Variants in AGL observed in about 807,000 individuals in gnomAD.
The protein encoded by AGL is amylo-alpha-1,6-glucosidase and 4-alpha-glucanotransferase.
AGL carries 128 observed loss-of-function variants against 199.3 expected under a neutral mutation model. The ratio of observed to expected loss-of-function variants is 0.64; its 90% CI spans 0.56 to 0.74. AGL has a LOEUF of 0.74. Among genes scored for constraint, AGL ranks in the 30% least tolerant of loss-of-function variants. The probability of loss-of-function intolerance (pLI) is 0.00; values close to 1 mark genes in which losing one functional copy is unlikely to be tolerated. For missense variants in AGL, 1,809 were observed against 1,820.8 expected (o/e 0.99, Z 0.12); for synonymous variants, 584 against 594.7 (o/e 0.98, Z 0.26).
rs1648909681 is a variant in AGL at position 99,851,065 on chromosome 1, GAA to G, written c.24_25del (p.Ile9PhefsTer17). On this transcript the variant is annotated frameshift_variant, in exon 2 of 34. Transcript: ENST00000361915. LOFTEE classifies it high-confidence loss of function. ...AAAATGGGACACAGTAAACAGATTCGAATTTTACTTCTGAACGAAATGGAGAA... is the reference window on the plus strand; with the variant it reads ...AAAATGGGACACAGTAAACAGATTCGTTTTACTTCTGAACGAAATGGAGAA... The G allele has an allele frequency of 1.2e-6, 2 of 1,614,022 alleles. No homozygotes were observed. The highest frequency in any genetic ancestry group is 1.7e-6 in the Non-Finnish European group (2 of 1,179,940).
At chr1:99,891,176 T>A (rs775650659) in intron 21 of AGL, 44 bp from the exon 22 acceptor site, 1 of 1,612,342 alleles carries the variant, frequency 6.2e-7, no homozygotes. Flanking sequence ...AGGAACAAAT[T>A]GATGCTACCA....
Position 99,903,245 on chromosome 1 carries a change from T to C in AGL, c.3700+451T>C, listed in dbSNP as rs189639298. 9.2e-5 allele frequency among the ~76,000 whole-genome samples: 14 copies of C among 152,270 alleles called. No individual in the cohort carries two copies. The East Asian group carries it at 2.7e-3, about 29-fold the overall frequency. On this transcript the variant is annotated intron_variant, in intron 27 of 33. Coordinates refer to ENST00000361915, the MANE Select transcript of AGL (RefSeq NM_000642.3). The stretch of plus-strand genomic sequence containing the variant: ...TTGGTGTGCTGCACCCATTAACTCA[T>C]CATTTACATAGGTATATCTCCTAAT...
At chr1:99,894,020 C>CAA (rs59279627) in intron 24 of AGL, among the ~76,000 whole-genome samples, 1 of 144,828 alleles carries the variant, frequency 6.9e-6, no homozygotes. Context: ...CCATCTTTAC[C>CAA]AAAAAAAAAA....
chr1:99,898,979 G>T (rs145776069), intron 25 of AGL, among the ~76,000 whole-genome samples: 162 of 152,150 alleles, frequency 1.1e-3, no homozygotes, highest in African/African-American at 3.7e-3. Flanking sequence ...AGGCATGGTG[G>T]CTCACAACTG....
At chr1:99,908,210 AT>A (rs34057901) in intron 27 of AGL, among the ~76,000 whole-genome samples, 71,678 of 147,090 alleles carry the variant, frequency 0.49, 17,314 homozygotes, top group East Asian at 0.57. Flanking sequence ...GTCCAAGTCC[AT>A]TTTTTTTTTT....
At chr1:99,850,861 T>A in intron 1 of AGL, 114 bp from the exon 2 acceptor site, 1 of 659,968 alleles carries the variant, frequency 1.5e-6, no homozygotes, top group South Asian at 1.8e-5. Flanking sequence ...TTCATTCTCT[T>A]TCATTGCTCT....
intron 33 of AGL, among the ~76,000 whole-genome samples, chr1:99,918,102 T>G (rs1053119342): frequency 6.6e-6 from 1 of 152,212 alleles, no homozygotes; most frequent in African/African-American, 2.4e-5. Flanking sequence ...TTCTTTCAAT[T>G]CTTATAAGTG....
Position 99,884,169 on chromosome 1 carries a change from G to A in AGL, c.2358G>A (p.Thr786=), listed in dbSNP as rs764022108. The A allele has an allele frequency of 9.9e-6, 16 of 1,612,694 alleles. No individual in the cohort carries two copies. The highest frequency in any genetic ancestry group is 1.6e-4 in the Middle Eastern group (1 of 6,068). The stretch of plus-strand genomic sequence containing the variant: ...AAGCTAGAACTATTGAGAGAAACAC[G>A]AAACCTTATAGGAAGGATGAGAATT... The part of the protein sequence containing the change: ...VLEARTIERN[T]KPYRKDENSI... The change falls in exon 18 of 34, where the codon ACG becomes ACA. Residue 786 remains threonine, a synonymous_variant. Coordinates refer to ENST00000361915, the MANE Select transcript of AGL (RefSeq NM_000642.3).
intron 29 of AGL, among the ~76,000 whole-genome samples, chr1:99,912,983 G>A (rs1458236462): frequency 6.6e-6 from 1 of 152,082 alleles, no homozygotes; most frequent in African/African-American, 2.4e-5. Flanking sequence ...CACACTTTGG[G>A]GGGCCAAGGC....
Position 99,864,392 on chromosome 1 carries a change from A to G in AGL, c.467A>G (p.Asn156Ser), listed in dbSNP as rs369767463. ...TCCTTTATTTGCTTTGCAGGCTACA[A>G]CATGATTCATTTTACCCCATTGCAG... ...RLRVAKESGY[N>S]MIHFTPLQTL... Residue 156 changes from asparagine (N) to serine (S), a missense_variant, in exon 5 of 34, where the codon AAC becomes AGC. By Grantham distance (46) the Asn-to-Ser change is conservative. Transcript: ENST00000361915. 1.2e-5 allele frequency: 19 copies of G among 1,613,408 alleles called. No homozygotes were observed. The highest frequency in any genetic ancestry group is 1.7e-4 in the Middle Eastern group (1 of 6,060).
At chr1:99,879,851 T>C in intron 12 of AGL, 72 bp from the exon 13 acceptor site, 2 of 1,308,740 alleles carry the variant, frequency 1.5e-6, no homozygotes, top group South Asian at 2.4e-5. Context: ...TTTTGTCTCT[T>C]TCCTTCCTCC....
intron 2 of AGL, chr1:99,861,092 T>C: frequency 1.3e-6 from 1 of 746,874 alleles, no homozygotes; most frequent in Non-Finnish European, 1.7e-6. Flanking sequence ...TCTGACACCA[T>C]AGAGAAACTA....
At chr1:99,862,466 T>C in intron 4 of AGL, 43 bp downstream of exon 4, 3 of 1,597,560 alleles carry the variant, frequency 1.9e-6, no homozygotes, top group Non-Finnish European at 2.6e-6. Flanking sequence ...AAAAAATAAA[T>C]GTAATTATCC....
chr1:99,921,694 T>A lies in AGL; in HGVS notation c.*43T>A. 1 of 1,400,202 alleles carries A rather than the reference T, an allele frequency of 7.1e-7. No homozygotes were observed. Among genetic ancestry groups the A allele is most frequent in the South Asian group, 1.2e-5 (1 of 85,588 alleles). The allele number at this position is 1,400,202 out of a possible 1,614,324, so 86.7% of individuals were successfully genotyped here. Reference sequence around the variant, plus strand: ...GTATGCAATTACTTGTATTATAGGATGCAAGGTCATCATATGTAAATGCCT... The same window carrying A: ...GTATGCAATTACTTGTATTATAGGAAGCAAGGTCATCATATGTAAATGCCT... On this transcript the variant is annotated 3_prime_UTR_variant, in exon 34 of 34. Coordinates refer to ENST00000361915, the MANE Select transcript of AGL (RefSeq NM_000642.3).
chr1:99,858,549 G>C (rs1162734854), intron 2 of AGL, among the ~76,000 whole-genome samples: 2 of 152,190 alleles, frequency 1.3e-5, no homozygotes, highest in South Asian at 4.1e-4. Context: ...TTCATTTACA[G>C]AAATGGGGAT....
chr1:99,864,945 T>C (rs905486512), intron 5 of AGL, among the ~76,000 whole-genome samples: 1 of 152,186 alleles, frequency 6.6e-6, no homozygotes. Context: ...CTGCAGTCAA[T>C]CACATTTCAA....
chr1:99,876,369 G>C (rs1379660392), intron 10 of AGL, 89 bp from the exon 11 acceptor site: 1 of 1,021,124 alleles, frequency 9.8e-7, no homozygotes, highest in Non-Finnish European at 1.4e-6. Flanking sequence ...CTATTCATTA[G>C]AAAAGAAGTT....
At position 99,921,536 on chromosome 1, in the gene AGL, C is replaced by G. The variant is rs1305923139; in HGVS notation, c.4484C>G (p.Ser1495Cys). Reference sequence around the variant, plus strand: ...AAAATGTCTTTTCTTTCATTCAGATCCCCTTGGAAAGGACTTCCAGAACTG... The same window carrying G: ...AAAATGTCTTTTCTTTCATTCAGATGCCCTTGGAAAGGACTTCCAGAACTG... Reference protein sequence around the residue: ...LSRHYVHLERSPWKGLPELTN... With the variant: ...LSRHYVHLERCPWKGLPELTN... The change falls in exon 34 of 34, where the codon TCC becomes TGC. Residue 1495 changes from serine (S) to cysteine (C), a missense_variant and splice_region_variant. Ser to Cys is a moderately radical substitution (Grantham distance 112). Transcript: ENST00000361915. 6.2e-7 allele frequency: 1 copy of G among 1,600,420 alleles called. No individual in the cohort carries two copies. Among genetic ancestry groups the G allele is most frequent in the Admixed American group, 1.7e-5 (1 of 59,858 alleles).
At position 99,864,655 on chromosome 1, in the gene AGL, CAAAT is replaced by C. The variant is rs1365348598; in HGVS notation, c.664+69_664+72del. 1.5e-5 allele frequency: 21 copies of C among 1,359,576 alleles called. No individual in the cohort carries two copies. The Admixed American group carries it at 1.6e-4, about 10-fold the overall frequency. 84.2% of individuals were successfully genotyped at this position (1,359,576 alleles called of 1,614,324 possible). A position where few individuals can be genotyped will look rare whatever the true frequency, so the allele number is the denominator to read the frequency against. On this transcript the variant is annotated intron_variant, in intron 5 of 33. Transcript: ENST00000361915. ...ATTTATGCACACACACATATACACA[CAAAT>C]AAGAGAAAGGAAGAAAGAAAGAGAA...
Sources: gnomAD v4.1 joint callset for allele counts (sites outside exome capture counted in the v4.1 genomes callset) on GRCh38, gnomAD v4.1.1 for gene constraint, MANE v1.5 for transcripts, NCBI Gene and HGNC (gene_info 2026-07-23, HGNC 2026-07-21) for gene names.